Variants in PEX5L observed in about 807,000 individuals in gnomAD.
PEX5L encodes PEX5-related protein.
A neutral mutation model predicts 84.0 loss-of-function variants in PEX5L; 30 were observed. The observed-to-expected ratio is 0.36, with a 90% CI of 0.27 to 0.48. PEX5L has a LOEUF of 0.48. Among genes scored for constraint, PEX5L ranks in the 20% least tolerant of loss-of-function variants. PEX5L has a pLI of 0.99. For synonymous variants in PEX5L, 270 were observed against 283.1 expected (o/e 0.95, Z 0.46); for missense variants, 533 against 754.6 (o/e 0.71, Z 3.44).
chr3:179,915,915 A>G (rs2109304717), intron 2 of PEX5L, among the ~76,000 whole-genome samples: 1 of 152,358 alleles, frequency 6.6e-6, no homozygotes, highest in East Asian at 1.9e-4. Flanking sequence ...AGTATTCAGC[A>G]TGTTACAAAG....
intron 1 of PEX5L, among the ~76,000 whole-genome samples, chr3:180,010,529 TA>T (rs1789369918): frequency 1.3e-5 from 2 of 152,090 alleles, no homozygotes; most frequent in African/African-American, 4.8e-5. Flanking sequence ...ACCCTCTACA[TA>T]AATTACCACT....
At chr3:179,928,531 G>A (rs1193954380) in intron 2 of PEX5L, among the ~76,000 whole-genome samples, 1 of 152,180 alleles carries the variant, frequency 6.6e-6, no homozygotes, top group Admixed American at 6.5e-5. Flanking sequence ...ACAACAAATG[G>A]TGGGTAGGCA....
chr3:179,884,895 A>G (rs1755281921), intron 4 of PEX5L, among the ~76,000 whole-genome samples: 1 of 152,198 alleles, frequency 6.6e-6, no homozygotes, highest in Non-Finnish European at 1.5e-5. Context: ...TATGAGGCAA[A>G]AGATACGTTC....
At position 179,886,282 on chromosome 3, in the gene PEX5L, AC is replaced by A. The variant is rs372028898; in HGVS notation, c.310+1390del. ...CTTGTTTCACGGATCAGAGGAATGA[AC>A]CTCATCTGATAGTATGTGAACTTGT... is the stretch of plus-strand genomic sequence containing the variant. On this transcript the variant is annotated intron_variant, in intron 4 of 14. Coordinates refer to ENST00000467460, the MANE Select transcript of PEX5L (RefSeq NM_016559.3). 2.4e-4 allele frequency among the ~76,000 whole-genome samples: 37 copies of A among 152,286 alleles called. No homozygotes were observed. In the South Asian group the frequency reaches 7.5e-3, roughly 31 times the overall value.
At chr3:179,937,375 T>C (rs538367608) in intron 2 of PEX5L, among the ~76,000 whole-genome samples, 1 of 152,252 alleles carries the variant, frequency 6.6e-6, no homozygotes, top group African/African-American at 2.4e-5. Flanking sequence ...ACTCTGTGTA[T>C]TATCTTTGTA....
At chr3:179,890,277 A>T (rs1757214467) in intron 3 of PEX5L, among the ~76,000 whole-genome samples, 1 of 152,206 alleles carries the variant, frequency 6.6e-6, no homozygotes, top group South Asian at 2.1e-4. Flanking sequence ...TTCACAGAGG[A>T]TGAAGGTTAC....
rs1716975331 is a variant in PEX5L, at chr3:179,796,409, A to G, written c.*5419T>C. Reference sequence around the variant, plus strand: ...CTGACATTGGGACACTTGTCTCTAGACTGTGTTATTTTGGTATTTCTGCAG... The same window carrying G: ...CTGACATTGGGACACTTGTCTCTAGGCTGTGTTATTTTGGTATTTCTGCAG... On this transcript the variant is annotated 3_prime_UTR_variant, in exon 15 of 15. Coordinates refer to ENST00000467460, the MANE Select transcript of PEX5L (RefSeq NM_016559.3). The G allele has an allele frequency of 6.6e-6, 1 of 152,162 alleles. No homozygotes were observed. Among genetic ancestry groups the G allele is most frequent in the Non-Finnish European group, 1.5e-5 (1 of 68,024 alleles). 9.4% of individuals were successfully genotyped at this position (152,162 alleles called of 1,614,324 possible).
intron 1 of PEX5L, among the ~76,000 whole-genome samples, chr3:180,015,846 T>C (rs114757280): frequency 0.026 from 3,823 of 148,032 alleles, 163 homozygotes; most frequent in African/African-American, 0.091. Context: ...AGGTACTTCA[T>C]AGAATATAAT....
At position 179,952,711 on chromosome 3, in the gene PEX5L, A is replaced by G. The variant is rs552167524; in HGVS notation, c.93+18883T>C. Among the ~76,000 whole-genome samples the G allele has an allele frequency of 1.1e-4, 17 of 152,318 alleles. No individual in the cohort carries two copies. In the East Asian group the frequency reaches 2.7e-3, roughly 24 times the overall value. On this transcript the variant is annotated intron_variant, in intron 2 of 14. Transcript: ENST00000467460. ...TTATAGATTCAATGCTATCCCCATC[A>G]AGCTATCATTGACTTTCTTCACAGA...
intron 1 of PEX5L, among the ~76,000 whole-genome samples, chr3:180,034,116 G>C (rs1791690636): frequency 6.6e-6 from 1 of 152,160 alleles, no homozygotes; most frequent in South Asian, 2.1e-4. Flanking sequence ...CTATTTTTAA[G>C]TCTTCCTGAG....
intron 2 of PEX5L, among the ~76,000 whole-genome samples, chr3:179,904,831 A>G (rs1026192372): frequency 1.3e-5 from 2 of 151,912 alleles, no homozygotes; most frequent in Non-Finnish European, 2.9e-5. Flanking sequence ...CGTCTCCTCG[A>G]CAGTCAGTGT....
intron 8 of PEX5L, among the ~76,000 whole-genome samples, chr3:179,840,594 G>C (rs6776311): frequency 0.7 from 106,131 of 151,978 alleles, 37,492 homozygotes; most frequent in East Asian, 0.8. Context: ...AGACTGAAAG[G>C]TGGGAGACAA....
chr3:179,897,787 G>T (rs2108980089), intron 3 of PEX5L, among the ~76,000 whole-genome samples: 1 of 152,044 alleles, frequency 6.6e-6, no homozygotes, highest in South Asian at 2.1e-4. Context: ...ATAGGAATTT[G>T]ATTTTTTTTT....
chr3:180,018,926 A>T (rs926766185), intron 1 of PEX5L, among the ~76,000 whole-genome samples: 1 of 152,108 alleles, frequency 6.6e-6, no homozygotes, highest in Admixed American at 6.6e-5. Flanking sequence ...GCAAGCCTAG[A>T]GTTTTCGGGC....
At chr3:179,810,291 G>A (rs112360371) in intron 11 of PEX5L, among the ~76,000 whole-genome samples, 5,777 of 152,006 alleles carry the variant, frequency 0.038, 396 homozygotes, top group African/African-American at 0.13. Context: ...ACAGGTGTAA[G>A]CCACCACACC....
chr3:180,028,797 T>A (rs1791191681), intron 1 of PEX5L, among the ~76,000 whole-genome samples: 1 of 152,218 alleles, frequency 6.6e-6, no homozygotes, highest in Non-Finnish European at 1.5e-5. Context: ...ACACCATCGT[T>A]GGAGACATAA....
At chr3:179,859,345 G>C (rs1393282638) in intron 7 of PEX5L, among the ~76,000 whole-genome samples, 188 bp from the exon 8 acceptor site, 2 of 152,138 alleles carry the variant, frequency 1.3e-5, no homozygotes, top group Non-Finnish European at 2.9e-5. Flanking sequence ...ATGTGTGTGA[G>C]CATGCATGCG....
chr3:180,003,858 A>C (rs1788635240), intron 1 of PEX5L, among the ~76,000 whole-genome samples: 1 of 152,218 alleles, frequency 6.6e-6, no homozygotes, highest in Non-Finnish European at 1.5e-5. Flanking sequence ...TCTGTTGGAC[A>C]AATAAGTGAA....
intron 4 of PEX5L, among the ~76,000 whole-genome samples, chr3:179,883,121 A>G (rs1560526936): frequency 6.6e-6 from 1 of 152,120 alleles, no homozygotes; most frequent in East Asian, 1.9e-4. Flanking sequence ...ATGAACGTGA[A>G]AAGTGTGTGC....
Sources: gnomAD v4.1 joint callset for allele counts (sites outside exome capture counted in the v4.1 genomes callset) on GRCh38, gnomAD v4.1.1 for gene constraint, MANE v1.5 for transcripts, NCBI Gene and HGNC (gene_info 2026-07-23, HGNC 2026-07-21) for gene names.